The following PRKG1 variants were observed in gnomAD, a reference collection of about 807,000 sequenced individuals.
PRKG1 encodes the protein cGMP-dependent protein kinase 1.
In PRKG1, 35 loss-of-function variants were observed where a neutral mutation model predicts 88.1. The observed-to-expected ratio is 0.40, with a 90% CI of 0.30 to 0.53. The LOEUF (loss-of-function observed/expected upper bound fraction) is 0.53. PRKG1 is among the 20% of genes least tolerant of loss of function. The probability of loss-of-function intolerance (pLI) is 0.59; values close to 1 mark genes in which losing one functional copy is unlikely to be tolerated. For synonymous variants in PRKG1, 303 were observed against 292.5 expected (o/e 1.04, Z -0.37); for missense variants, 540 against 839.8 (o/e 0.64, Z 4.41).
intron 9 of PRKG1, among the ~76,000 whole-genome samples, chr10:52,166,058 A>G (rs1437513430): frequency 1.3e-5 from 2 of 152,216 alleles, no homozygotes; most frequent in African/African-American, 4.8e-5. Flanking sequence ...ATTGTTGCTA[A>G]TTATCCACTG....
intron 7 of PRKG1, among the ~76,000 whole-genome samples, chr10:52,072,140 T>C (rs910418201): frequency 4.3e-5 from 6 of 141,032 alleles, no homozygotes; most frequent in African/African-American, 1.5e-4. Context: ...CCTGAGACTC[T>C]CAGGGTTTAT....
chr10:51,368,818 T>C (rs141222321), intron 2 of PRKG1, among the ~76,000 whole-genome samples: 449 of 152,186 alleles, frequency 3.0e-3, no homozygotes, highest in Admixed American at 5.0e-3. Flanking sequence ...AACCAAATTT[T>C]CTTCATGGGA....
chr10:52,093,210 T>C (rs1325473247), intron 7 of PRKG1, among the ~76,000 whole-genome samples: 1 of 152,182 alleles, frequency 6.6e-6, no homozygotes, highest in Non-Finnish European at 1.5e-5. Context: ...TACTACGTAA[T>C]AGAGACGTTT....
intron 3 of PRKG1, among the ~76,000 whole-genome samples, chr10:51,738,108 A>G (rs1257160650): frequency 6.6e-6 from 1 of 152,060 alleles, no homozygotes; most frequent in African/African-American, 2.4e-5. Flanking sequence ...TTATTCTGAT[A>G]CACAGCAAAT....
rs189374428 is a variant in PRKG1, at chr10:51,974,684, T to C, written c.762+67114T>C. 1.8e-3 allele frequency among the ~76,000 whole-genome samples: 271 copies of C among 152,312 alleles called. 2 individuals carry two copies. Among genetic ancestry groups the C allele is most frequent in the African/African-American group, 5.8e-3 (241 of 41,594 alleles). ...CTTAATCCTAACCATATTTTAATGTTCACCTTAACTTCTCCAGAAATTTTT... is the reference window on the plus strand; with the variant it reads ...CTTAATCCTAACCATATTTTAATGTCCACCTTAACTTCTCCAGAAATTTTT... On this transcript the variant is annotated intron_variant, in intron 5 of 17. Coordinates refer to ENST00000373980, the MANE Select transcript of PRKG1 (RefSeq NM_006258.4).
At chr10:52,136,354 A>C (rs1279589263) in intron 8 of PRKG1, among the ~76,000 whole-genome samples, 1 of 152,082 alleles carries the variant, frequency 6.6e-6, no homozygotes, top group Admixed American at 6.6e-5. Context: ...CAAGGTAGAA[A>C]ATTTGTAGAG....
intron 3 of PRKG1, among the ~76,000 whole-genome samples, chr10:51,532,617 CT>C (rs1310253877): frequency 1.3e-5 from 2 of 152,292 alleles, no homozygotes; most frequent in African/African-American, 2.4e-5. Context: ...TTTCTCATTA[CT>C]GACAAACAGC....
intron 1 of PRKG1, among the ~76,000 whole-genome samples, chr10:51,081,913 C>T (rs1217889242): frequency 2.0e-5 from 3 of 152,180 alleles, no homozygotes; most frequent in Non-Finnish European, 4.4e-5. Context: ...CATAGCACCA[C>T]ACCTGGATAA....
chr10:51,743,701 A>G (rs1442916678), intron 3 of PRKG1, among the ~76,000 whole-genome samples: 1 of 117,068 alleles, frequency 8.5e-6, no homozygotes, highest in East Asian at 2.2e-4. Flanking sequence ...TATATATATA[A>G]TATAAACTAA....
chr10:51,244,843 CATT>C (rs1839247839), intron 2 of PRKG1: 1 of 151,316 alleles, frequency 6.6e-6, no homozygotes, highest in Non-Finnish European at 1.5e-5. Context: ...GTTACCTTAT[CATT>C]TTTTTTTTTT....
Position 51,304,748 on chromosome 10 carries a change from C to T in PRKG1, c.478+151418C>T, listed in dbSNP as rs1052244128. Among the ~76,000 whole-genome samples the T allele has an allele frequency of 2.7e-5, 4 of 150,616 alleles. No homozygotes were observed. The Admixed American group carries it at 2.7e-4, about 10-fold the overall frequency. ...AACATGCGGTGTTTGGTTTTTCGTC[C>T]TTGCAATAGTTTACTGAGAATGATG... On this transcript the variant is annotated intron_variant, in intron 2 of 17. Coordinates refer to ENST00000373980, the MANE Select transcript of PRKG1 (RefSeq NM_006258.4).
chr10:51,739,517 C>G (rs1837377703), intron 3 of PRKG1, among the ~76,000 whole-genome samples: 1 of 152,096 alleles, frequency 6.6e-6, no homozygotes. Flanking sequence ...TAACAGCCTC[C>G]CAGAAAAATA....
chr10:51,715,372 G>A (rs1841860631), intron 3 of PRKG1, among the ~76,000 whole-genome samples: 1 of 152,116 alleles, frequency 6.6e-6, no homozygotes, highest in Non-Finnish European at 1.5e-5. Flanking sequence ...GAAGATACCT[G>A]GGTGTCCTCT....
chr10:50,995,605 T>C (rs1842829350), intron 1 of PRKG1, among the ~76,000 whole-genome samples: 1 of 152,194 alleles, frequency 6.6e-6, no homozygotes, highest in South Asian at 2.1e-4. Context: ...GAACTCTTGA[T>C]TTTCTTAATG....
intron 3 of PRKG1, among the ~76,000 whole-genome samples, chr10:51,570,798 G>A (rs1321362046): frequency 6.6e-6 from 1 of 151,724 alleles, no homozygotes; most frequent in Non-Finnish European, 1.5e-5. Context: ...AAAGAAATGA[G>A]ATCACTTCTT....
intron 12 of PRKG1, among the ~76,000 whole-genome samples, chr10:52,276,718 ACTAT>A (rs998615346): frequency 6.6e-6 from 1 of 152,162 alleles, no homozygotes. Flanking sequence ...TCTTTAAGTA[ACTAT>A]CTAAACTATT....
At chr10:52,284,352 A>G (rs1475295345) in intron 14 of PRKG1, among the ~76,000 whole-genome samples, 1 of 152,058 alleles carries the variant, frequency 6.6e-6, no homozygotes, top group East Asian at 1.9e-4. Context: ...AAACATTATG[A>G]TTAAACATAC....
chr10:51,800,050 T>C (rs1839124932), intron 3 of PRKG1, among the ~76,000 whole-genome samples: 1 of 152,078 alleles, frequency 6.6e-6, no homozygotes. Flanking sequence ...TGAATGTAAA[T>C]TATATTAAGA....
intron 7 of PRKG1, among the ~76,000 whole-genome samples, chr10:52,083,115 T>C (rs1031835579): frequency 1.3e-5 from 2 of 152,048 alleles, no homozygotes; most frequent in Admixed American, 1.3e-4. Flanking sequence ...CTGTCATTTA[T>C]TCTCTTTTTT....
Sources: allele counts gnomAD v4.1 joint callset (sites outside exome capture counted in the v4.1 genomes callset), GRCh38; gene constraint gnomAD v4.1.1; transcripts MANE v1.5; gene names NCBI Gene and HGNC (gene_info 2026-07-23, HGNC 2026-07-21).